Variants in SLC24A2 observed in about 807,000 individuals in gnomAD.
The protein encoded by SLC24A2 is solute carrier family 24 member 2, also known as sodium/potassium/calcium exchanger 2.
SLC24A2 carries 36 observed loss-of-function variants against 62.0 expected under a neutral mutation model. The observed-to-expected ratio is 0.58, with a 90% CI of 0.44 to 0.77. The LOEUF (loss-of-function observed/expected upper bound fraction) is 0.77, where lower values mean the gene tolerates loss of function less well. Ranked by LOEUF, SLC24A2 falls within the 30% of genes least tolerant of loss-of-function variation. The pLI is 0.00. For synonymous variants in SLC24A2, 358 were observed against 294.0 expected (o/e 1.22, Z -2.23); for missense variants, 846 against 817.9 (o/e 1.03, Z -0.42).
the SLC24A2 span, among the ~76,000 whole-genome samples, chr9:20,229,303 G>C: frequency 3.3e-5 from 5 of 152,102 alleles, no homozygotes; most frequent in African/African-American, 4.8e-5. Context: ...TTGACCTGTT[G>C]TGCTCTGGTG....
At chr9:20,300,574 T>C in the SLC24A2 span, among the ~76,000 whole-genome samples, 1 of 152,130 alleles carries the variant, frequency 6.6e-6, no homozygotes, top group Non-Finnish European at 1.5e-5. Flanking sequence ...AGAATGTCTG[T>C]TTTTGACATC....
chr9:19,911,919 G>A, the SLC24A2 span, among the ~76,000 whole-genome samples: 1 of 152,128 alleles, frequency 6.6e-6, no homozygotes, highest in East Asian at 1.9e-4. Context: ...GGATACATTT[G>A]AGAAACAGAC....
At chr9:20,303,167 G>T in the SLC24A2 span, among the ~76,000 whole-genome samples, 3 of 151,714 alleles carry the variant, frequency 2.0e-5, no homozygotes, top group Non-Finnish European at 4.4e-5. Flanking sequence ...TAAGGCTGCT[G>T]CCCTTTTTCA....
the SLC24A2 span, among the ~76,000 whole-genome samples, chr9:20,143,130 G>A: frequency 6.6e-6 from 1 of 152,146 alleles, no homozygotes; most frequent in Non-Finnish European, 1.5e-5. Flanking sequence ...GCACAAAATG[G>A]CAGCCTTTAC....
chr9:20,304,473 A>G, the SLC24A2 span, among the ~76,000 whole-genome samples: 1 of 152,246 alleles, frequency 6.6e-6, no homozygotes, highest in Non-Finnish European at 1.5e-5. Flanking sequence ...CTGTTTAAAA[A>G]AAGACTTTTA....
chr9:19,929,374 G>C, the SLC24A2 span: 3 of 152,132 alleles, frequency 2.0e-5, no homozygotes, highest in Non-Finnish European at 4.4e-5. Context: ...TAAATAGGCT[G>C]ACTACAATGA....
At chr9:19,516,454 C>A in intron 10 of SLC24A2, 52 bp from the exon 11 acceptor site, 2 of 1,602,448 alleles carry the variant, frequency 1.2e-6, no homozygotes, top group South Asian at 2.2e-5. Context: ...AGGGAGTAGT[C>A]AGACACGTTG....
At chr9:20,160,230 C>A in the SLC24A2 span, among the ~76,000 whole-genome samples, 1 of 151,368 alleles carries the variant, frequency 6.6e-6, no homozygotes, top group East Asian at 1.9e-4. Context: ...CTGCAATTGT[C>A]AATGAACATT....
chr9:19,997,576 A>C, the SLC24A2 span, among the ~76,000 whole-genome samples: 63 of 152,152 alleles, frequency 4.1e-4, no homozygotes, highest in Non-Finnish European at 2.2e-4. Context: ...ACAGAAAGGG[A>C]AACCCCAGTC....
the SLC24A2 span, among the ~76,000 whole-genome samples, chr9:19,988,740 G>T: frequency 1.3e-5 from 2 of 152,158 alleles, no homozygotes; most frequent in Non-Finnish European, 2.9e-5. Context: ...AGGCAGGAGA[G>T]AAACACGTTG....
the SLC24A2 span, among the ~76,000 whole-genome samples, chr9:19,856,293 G>A: frequency 5.9e-5 from 9 of 152,228 alleles, no homozygotes; most frequent in South Asian, 4.1e-4. Flanking sequence ...GTCAGTTCAT[G>A]CATCTTAACC....
At chr9:20,026,105 G>T in the SLC24A2 span, among the ~76,000 whole-genome samples, 1 of 152,086 alleles carries the variant, frequency 6.6e-6, no homozygotes, top group African/African-American at 2.4e-5. Context: ...TCAGCAATAG[G>T]ATGGGGATTC....
chr9:19,999,299 C>T, the SLC24A2 span, among the ~76,000 whole-genome samples: 1 of 152,186 alleles, frequency 6.6e-6, no homozygotes, highest in African/African-American at 2.4e-5. Flanking sequence ...TATTGAAAAC[C>T]ACACTGAGTG....
the SLC24A2 span, among the ~76,000 whole-genome samples, chr9:20,193,255 C>A: frequency 1.3e-5 from 2 of 152,032 alleles, no homozygotes; most frequent in Admixed American, 6.6e-5. Context: ...GGATTTGTAA[C>A]CCTGAGTAGC....
chr9:19,833,732 T>C, the SLC24A2 span, among the ~76,000 whole-genome samples: 2 of 152,206 alleles, frequency 1.3e-5, no homozygotes, highest in South Asian at 2.1e-4. Flanking sequence ...AGAGTAGTGG[T>C]TCTCCCAGCA....
At chr9:19,849,545 AG>A in the SLC24A2 span, among the ~76,000 whole-genome samples, 1 of 152,204 alleles carries the variant, frequency 6.6e-6, no homozygotes, top group African/African-American at 2.4e-5. Context: ...GTTTCAATAG[AG>A]AAATAAAGCA....
chr9:19,907,823 T>G, the SLC24A2 span, among the ~76,000 whole-genome samples: 3 of 152,146 alleles, frequency 2.0e-5, no homozygotes, highest in African/African-American at 7.2e-5. Context: ...CACTGCTCAA[T>G]GAAATAAAAG....
the SLC24A2 span, among the ~76,000 whole-genome samples, chr9:19,870,542 G>A: frequency 6.6e-6 from 1 of 152,116 alleles, no homozygotes; most frequent in South Asian, 2.1e-4. Flanking sequence ...GTATTACTGA[G>A]TCATATGGTA....
chr9:20,225,276 A>G, the SLC24A2 span, among the ~76,000 whole-genome samples: 1 of 145,694 alleles, frequency 6.9e-6, no homozygotes, highest in African/African-American at 2.8e-5. Context: ...ACAAGGAAAC[A>G]TGTATAACAA....
Sources: allele counts gnomAD v4.1 joint callset (sites outside exome capture counted in the v4.1 genomes callset), GRCh38; gene constraint gnomAD v4.1.1; transcripts MANE v1.5; gene names NCBI Gene and HGNC (gene_info 2026-07-23, HGNC 2026-07-21).